CEP162: variants seen among roughly 807,000 people sequenced by gnomAD.
CEP162 encodes centrosomal protein 162, also known as centrosomal protein of 162 kDa.
Under a neutral mutation model 169.2 loss-of-function variants are expected in CEP162, and 141 were observed. The observed-to-expected ratio is 0.83, with a 90% CI of 0.73 to 0.96. CEP162 has a LOEUF of 0.96. Among genes scored for constraint, CEP162 ranks in the 40% least tolerant of loss-of-function variants. CEP162 has a pLI of 0.00. For synonymous variants in CEP162, 540 were observed against 526.4 expected, an observed-to-expected ratio of 1.03 and a Z score of -0.35; for missense variants, 1,600 against 1,587.2, an observed-to-expected ratio of 1.01 and a Z score of -0.14.
chr6:84,216,637 T>C (rs73750548), intron 3 of CEP162, among the ~76,000 whole-genome samples: 1,872 of 152,308 alleles, frequency 0.012, 47 homozygotes, highest in African/African-American at 0.042. Context: ...TATTTGATGA[T>C]ACTAAGAAAT....
intron 13 of CEP162, 49 bp from the exon 14 acceptor site, chr6:84,175,396 T>C: frequency 1.5e-6 from 2 of 1,310,278 alleles, no homozygotes; most frequent in Non-Finnish European, 2.1e-6. Context: ...TAAAGTTAAA[T>C]GTATACTCAT....
intron 13 of CEP162, among the ~76,000 whole-genome samples, chr6:84,180,965 T>A (rs915119832): frequency 3.3e-5 from 5 of 152,166 alleles, no homozygotes; most frequent in African/African-American, 1.2e-4. Context: ...AAGCTACCAA[T>A]GACTTTCTTC....
chr6:84,149,596 ACTTTGG>A lies in CEP162; in HGVS notation c.3731_3736del (p.Ser1244_Val1246delinsLeu). On this transcript the variant is annotated inframe_deletion, in exon 24 of 27. Coordinates refer to ENST00000403245, the MANE Select transcript of CEP162 (RefSeq NM_014895.4). ...TGCTATTTTACGATTTAGTTCAGCT[ACTTTGG>A]AAGAAGAATTTTCTACTGCATTTTG... is the stretch of plus-strand genomic sequence containing the variant. 1 of 1,603,746 alleles carries A rather than the reference ACTTTGG, an allele frequency of 6.2e-7. No homozygotes were observed. The highest frequency in any genetic ancestry group is 8.5e-7 in the Non-Finnish European group (1 of 1,174,808).
At chr6:84,129,867 T>C (rs1430176634) in intron 25 of CEP162, among the ~76,000 whole-genome samples, 6 of 152,306 alleles carry the variant, frequency 3.9e-5, no homozygotes, top group South Asian at 2.1e-4. Context: ...TCTTGCCTGA[T>C]TGTTCTGGCC....
intron 20 of CEP162, among the ~76,000 whole-genome samples, chr6:84,161,400 T>C (rs920697508): frequency 6.6e-6 from 1 of 151,812 alleles, no homozygotes; most frequent in Non-Finnish European, 1.5e-5. Flanking sequence ...AAAGCTAGAG[T>C]ATTCCAGGCC....
In CEP162 at chr6:84,186,543, T is replaced by C. The variant is rs2127713765; in HGVS notation, c.1190A>G (p.Gln397Arg). Residue 397 changes from glutamine (Q) to arginine (R), a missense_variant, in exon 12 of 27, where the codon CAA becomes CGA. Transcript: ENST00000403245. ...PLKMNPNILS[Q>R]DSQHVNLFFD... ...AAAAAGGTTCACATGTTGTGAGTCTTGAGACAAAATATTTGGGTTCATCTT... is the reference window on the plus strand; with the variant it reads ...AAAAAGGTTCACATGTTGTGAGTCTCGAGACAAAATATTTGGGTTCATCTT... The C allele has an allele frequency of 6.2e-7, 1 of 1,612,964 alleles. No individual in the cohort carries two copies. The highest frequency in any genetic ancestry group is 2.2e-5 in the East Asian group (1 of 44,782).
chr6:84,177,958 A>G (rs557225795), intron 13 of CEP162, among the ~76,000 whole-genome samples: 2 of 152,318 alleles, frequency 1.3e-5, no homozygotes, highest in South Asian at 4.1e-4. Flanking sequence ...TAGGAAAATA[A>G]TTGTATTGAA....
chr6:84,190,154 G>A (rs917493875), intron 11 of CEP162, among the ~76,000 whole-genome samples: 1 of 152,168 alleles, frequency 6.6e-6, no homozygotes, highest in East Asian at 1.9e-4. Context: ...TTTAGCTCAA[G>A]GTTTGTGACT....
chr6:84,209,085 G>A (rs73750546), intron 6 of CEP162, among the ~76,000 whole-genome samples: 1 of 152,174 alleles, frequency 6.6e-6, no homozygotes, highest in East Asian at 1.9e-4. Context: ...GTTAGAAACA[G>A]TTCAGGCAGT....
chr6:84,220,809 T>C (rs2099553428), intron 3 of CEP162, among the ~76,000 whole-genome samples: 1 of 152,166 alleles, frequency 6.6e-6, no homozygotes, highest in Non-Finnish European at 1.5e-5. Context: ...ACCTGAATTG[T>C]CACCTTAATT....
At chr6:84,225,076 T>C (rs532800040) in intron 2 of CEP162, among the ~76,000 whole-genome samples, 5 of 152,328 alleles carry the variant, frequency 3.3e-5, no homozygotes, top group Admixed American at 2.0e-4. Flanking sequence ...AACTCCCTTT[T>C]TTAACAAGAA....
chr6:84,141,229 T>C (rs1329933689), intron 25 of CEP162, among the ~76,000 whole-genome samples: 2 of 149,418 alleles, frequency 1.3e-5, no homozygotes, highest in Non-Finnish European at 2.9e-5. Context: ...CCTTTAAAGA[T>C]TTGAGTTTTT....
At chr6:84,185,761 T>C (rs1448782759) in intron 12 of CEP162, among the ~76,000 whole-genome samples, 1 of 152,178 alleles carries the variant, frequency 6.6e-6, no homozygotes, top group Non-Finnish European at 1.5e-5. Context: ...AAAATCTTAT[T>C]TGTTATCTGA....
At chr6:84,126,874 C>T (rs910657344) in intron 25 of CEP162, among the ~76,000 whole-genome samples, 1 of 152,124 alleles carries the variant, frequency 6.6e-6, no homozygotes, top group Admixed American at 6.5e-5. Flanking sequence ...TTAAAGCACT[C>T]AACATAGTAC....
At chr6:84,217,807 A>T (rs1037752276) in intron 3 of CEP162, 7 of 152,256 alleles carry the variant, frequency 4.6e-5, no homozygotes, top group African/African-American at 1.7e-4. Flanking sequence ...ACAGTGAAAC[A>T]GCAGCTAAAA....
intron 22 of CEP162, among the ~76,000 whole-genome samples, chr6:84,154,008 A>G (rs1472569688): frequency 2.6e-5 from 4 of 152,166 alleles, no homozygotes; most frequent in East Asian, 1.9e-4. Flanking sequence ...GATGACTGTT[A>G]ATTTGGGGTT....
intron 3 of CEP162, among the ~76,000 whole-genome samples, chr6:84,220,343 A>G (rs2099553200): frequency 6.6e-6 from 1 of 152,174 alleles, no homozygotes; most frequent in East Asian, 1.9e-4. Context: ...TAAACCTATC[A>G]GGCCAGGAGT....
chr6:84,208,952 A>C (rs919002040), intron 6 of CEP162, among the ~76,000 whole-genome samples: 4 of 152,258 alleles, frequency 2.6e-5, no homozygotes, highest in Non-Finnish European at 2.9e-5. Context: ...TTGCTTAAGA[A>C]AAGATGATGA....
chr6:84,161,949 C>T (rs1396245923), intron 19 of CEP162, 40 bp from the exon 20 acceptor site: 2 of 1,228,294 alleles, frequency 1.6e-6, no homozygotes, highest in South Asian at 1.4e-5. Flanking sequence ...TTGTTGTTCT[C>T]CAAAATATGG....
Sources: allele counts gnomAD v4.1 joint callset (sites outside exome capture counted in the v4.1 genomes callset), GRCh38; gene constraint gnomAD v4.1.1; transcripts MANE v1.5; gene names NCBI Gene and HGNC (gene_info 2026-07-23, HGNC 2026-07-21).